GALNTL6: variants seen among roughly 807,000 people sequenced by gnomAD.
GALNTL6 encodes the protein polypeptide N-acetylgalactosaminyltransferase like 6, also known as polypeptide N-acetylgalactosaminyltransferase-like 6.
In GALNTL6, 46 loss-of-function variants were observed where a neutral mutation model predicts 73.7. That is an observed-to-expected ratio of 0.62 (90% CI 0.49 to 0.80). GALNTL6 has a LOEUF of 0.80. Among genes scored for constraint, GALNTL6 ranks in the 30% least tolerant of loss-of-function variants. The pLI is 0.00. For synonymous variants in GALNTL6, 259 were observed against 263.7 expected (o/e 0.98, Z 0.17); for missense variants, 604 against 755.0 (o/e 0.80, Z 2.34).
chr4:173,016,561 C>A (rs116554072), intron 11 of GALNTL6, among the ~76,000 whole-genome samples: 3,430 of 152,222 alleles, frequency 0.023, 128 homozygotes, highest in African/African-American at 0.076. Flanking sequence ...TTGCATGGGG[C>A]CTTTAGTCCC....
chr4:172,212,242 A>C (rs1736348411), intron 2 of GALNTL6, among the ~76,000 whole-genome samples: 1 of 151,968 alleles, frequency 6.6e-6, no homozygotes, highest in Admixed American at 6.6e-5. Flanking sequence ...GCTCACTGCA[A>C]ACTCTGCCTC....
intron 11 of GALNTL6, among the ~76,000 whole-genome samples, chr4:173,014,686 A>G (rs1202285923): frequency 2.6e-5 from 4 of 152,208 alleles, no homozygotes; most frequent in Non-Finnish European, 5.9e-5. Flanking sequence ...CCTCATAACA[A>G]TGAAATAAAA....
chr4:172,221,035 G>A (rs1415490054), intron 2 of GALNTL6, among the ~76,000 whole-genome samples: 1 of 151,782 alleles, frequency 6.6e-6, no homozygotes, highest in South Asian at 2.1e-4. Flanking sequence ...ATACTCAGTT[G>A]TGATTCTGGT....
intron 5 of GALNTL6, among the ~76,000 whole-genome samples, chr4:172,512,724 A>C (rs117667672): frequency 6.6e-6 from 1 of 152,000 alleles, no homozygotes; most frequent in East Asian, 1.9e-4. Flanking sequence ...TGGATACCAA[A>C]CTCTTGGCCA....
chr4:172,704,938 C>G lies in GALNTL6; in HGVS notation c.554-104423C>G, dbSNP rs182886653. Among the ~76,000 whole-genome samples the G allele has an allele frequency of 6.1e-4, 93 of 151,900 alleles. No homozygotes were observed. In the East Asian group the frequency reaches 6.8e-3, roughly 11 times the overall value. ...GACTCTGTTCTCCCTATATAATGAC[C>G]ATCTTTGTTTCACTTTATAGTTTTT... On this transcript the variant is annotated intron_variant, in intron 5 of 12. Transcript: ENST00000506823.
chr4:172,121,904 G>A (rs992097506), intron 2 of GALNTL6, among the ~76,000 whole-genome samples: 4 of 151,412 alleles, frequency 2.6e-5, no homozygotes, highest in Non-Finnish European at 4.4e-5. Context: ...ATAAACCTGG[G>A]CTTAAAGGAA....
chr4:172,880,440 T>C (rs1745398251), intron 7 of GALNTL6, among the ~76,000 whole-genome samples: 1 of 152,078 alleles, frequency 6.6e-6, no homozygotes, highest in South Asian at 2.1e-4. Context: ...TATGTATATA[T>C]AGTTGTAGAA....
intron 2 of GALNTL6, among the ~76,000 whole-genome samples, chr4:171,938,938 G>T (rs1274320663): frequency 1.3e-5 from 2 of 151,946 alleles, no homozygotes; most frequent in African/African-American, 2.4e-5. Context: ...TTTTCATAAG[G>T]TTTACTGGTT....
intron 5 of GALNTL6, among the ~76,000 whole-genome samples, chr4:172,673,235 C>G (rs1732090067): frequency 6.6e-6 from 1 of 151,816 alleles, no homozygotes; most frequent in Admixed American, 6.6e-5. Flanking sequence ...TCATTTGTTT[C>G]AAAGTACTTC....
At position 172,348,673 on chromosome 4, in the gene GALNTL6, T is replaced by C. The variant is rs769241128; in HGVS notation, c.537T>C (p.Asp179=). Reference sequence around the variant, plus strand: ...TGATAGCAGAAATCATTCTAGTAGATGACTTCAGTGAGAGAGGTAAGATAC... The same window carrying C: ...TGATAGCAGAAATCATTCTAGTAGACGACTTCAGTGAGAGAGGTAAGATAC... ...GSLIAEIILV[D]DFSEREHLKD... The change falls in exon 5 of 13, where the codon GAT becomes GAC. Residue 179 remains aspartate, a synonymous_variant. Coordinates refer to ENST00000506823, the MANE Select transcript of GALNTL6 (RefSeq NM_001034845.3). The C allele has an allele frequency of 2.5e-6, 4 of 1,608,664 alleles. No individual in the cohort carries two copies. The South Asian group carries it at 3.3e-5, about 13-fold the overall frequency.
At chr4:172,884,753 G>A (rs1327573652) in intron 8 of GALNTL6, among the ~76,000 whole-genome samples, 1 of 152,138 alleles carries the variant, frequency 6.6e-6, no homozygotes, top group Non-Finnish European at 1.5e-5. Context: ...ATAGTTTTGG[G>A]TCACATAGCT....
chr4:172,391,057 G>A (rs1392129866), intron 5 of GALNTL6, among the ~76,000 whole-genome samples: 1 of 152,234 alleles, frequency 6.6e-6, no homozygotes, highest in Non-Finnish European at 1.5e-5. Flanking sequence ...CTAGGTAAAT[G>A]AGAACCATCA....
intron 2 of GALNTL6, among the ~76,000 whole-genome samples, chr4:172,069,107 C>G (rs1286685805): frequency 9.1e-6 from 1 of 109,796 alleles, no homozygotes; most frequent in African/African-American, 3.4e-5. Flanking sequence ...TCCCTTCCAG[C>G]TGGAGACTGA....
chr4:171,864,584 A>G (rs1735922239), intron 2 of GALNTL6, among the ~76,000 whole-genome samples: 2 of 152,196 alleles, frequency 1.3e-5, no homozygotes, highest in Admixed American at 1.3e-4. Context: ...AACCTAGTTT[A>G]CTTTGGATAC....
intron 5 of GALNTL6, among the ~76,000 whole-genome samples, chr4:172,563,768 A>G (rs1410733996): frequency 1.3e-5 from 2 of 152,240 alleles, no homozygotes; most frequent in Admixed American, 6.5e-5. Context: ...AGGTCTGTCC[A>G]TTGACAGGTG....
At chr4:172,744,143 G>GC (rs11429636) in intron 5 of GALNTL6, among the ~76,000 whole-genome samples, 147,685 of 152,162 alleles carry the variant, frequency 0.97, 71,821 homozygotes, top group East Asian at 1. Flanking sequence ...GCATTCAGAA[G>GC]TTGAATCTGC....
intron 9 of GALNTL6, among the ~76,000 whole-genome samples, chr4:172,951,362 T>C (rs1038863382): frequency 3.3e-5 from 5 of 152,190 alleles, no homozygotes; most frequent in Non-Finnish European, 5.9e-5. Flanking sequence ...CCATACACTC[T>C]CCTACACCTA....
At chr4:172,499,478 G>A (rs954531234) in intron 5 of GALNTL6, among the ~76,000 whole-genome samples, 4 of 152,162 alleles carry the variant, frequency 2.6e-5, no homozygotes, top group Admixed American at 2.6e-4. Context: ...ACAGTCTATG[G>A]CATTTTGTTA....
intron 10 of GALNTL6, among the ~76,000 whole-genome samples, chr4:172,992,649 A>G (rs1230416985): frequency 1.3e-5 from 2 of 152,214 alleles, no homozygotes; most frequent in Admixed American, 1.3e-4. Flanking sequence ...TTTTTTAAAC[A>G]GTCTGGGTAG....
Sources: allele counts gnomAD v4.1 joint callset (sites outside exome capture counted in the v4.1 genomes callset), GRCh38; gene constraint gnomAD v4.1.1; transcripts MANE v1.5; gene names NCBI Gene and HGNC (gene_info 2026-07-23, HGNC 2026-07-21).